Variants in SFPQ observed in about 807,000 individuals in gnomAD.
SFPQ encodes the protein splicing factor, proline- and glutamine-rich.
Under a neutral mutation model 72.9 loss-of-function variants are expected in SFPQ, and 11 were observed. The ratio of observed to expected loss-of-function variants is 0.15; its 90% confidence interval spans 0.09 to 0.25. The LOEUF is 0.25. Ranked by LOEUF, SFPQ falls within the 10% of genes least tolerant of loss-of-function variation. The pLI, the probability that SFPQ is intolerant of heterozygous loss-of-function variation, is 1.00. For missense variants in SFPQ, 847 were observed against 993.3 expected, an observed-to-expected ratio of 0.85 and a Z score of 1.98; for synonymous variants, 506 against 367.3, an observed-to-expected ratio of 1.38 and a Z score of -4.32.
chr1:35,181,686 T>C (rs1217695870), downstream of SFPQ: 3 of 1,060,822 alleles, frequency 2.8e-6, no homozygotes, highest in Non-Finnish European at 2.3e-6. Context: ...GAAGAGGAAA[T>C]GGGGACAAGT....
At position 35,187,248 on chromosome 1, in the gene SFPQ, C is replaced by G. The variant is rs1283089639; in HGVS notation, c.1819G>C (p.Glu607Gln). The G allele has an allele frequency of 2.5e-6, 4 of 1,614,048 alleles. No homozygotes were observed. Among genetic ancestry groups the G allele is most frequent in the African/African-American group, 1.3e-5 (1 of 74,918 alleles). The stretch of plus-strand genomic sequence containing the variant: ...CCGCCACCCATTCGCATGTCTCTTT[C>G]CCGCTGCAAGAAAAAAATTCCTTTC... Reference protein sequence around the residue: ...YSRMGYMDPRERDMRMGGGGA... With the variant: ...YSRMGYMDPRQRDMRMGGGGA... Residue 607 changes from glutamate to glutamine, a missense_variant, in exon 8 of 10, where the codon GAA becomes CAA. This residue lies in a region of SFPQ where 154 missense variants were observed against 186.0 expected (regional missense o/e 0.83). Transcript: ENST00000357214.
At position 35,193,139 on chromosome 1, in the gene SFPQ, C is replaced by T. The variant is rs912013732; in HGVS notation, c.-90G>A. 24 of 1,474,544 alleles carry T rather than the reference C, an allele frequency of 1.6e-5. No homozygotes were observed. Among genetic ancestry groups the T allele is most frequent in the Middle Eastern group, 1.8e-4 (1 of 5,456 alleles). The allele number at this position is 1,474,544 out of a possible 1,614,324, so 91.3% of individuals were successfully genotyped here. On this transcript the variant is annotated 5_prime_UTR_variant, in exon 1 of 10. Coordinates refer to ENST00000357214, the MANE Select transcript of SFPQ (RefSeq NM_005066.3). ...TTGCTTCTCACAAAATGGCGGATGA[C>T]ACAGGCGGCGCGCCGCCTTTGTCCT...
downstream of SFPQ, chr1:35,179,503 G>GCAAA (rs1639380629): frequency 1.9e-6 from 2 of 1,055,046 alleles, no homozygotes; most frequent in African/African-American, 1.7e-5. Flanking sequence ...ACAAAATTAT[G>GCAAA]AAATACAATG....
chr1:35,189,241 C>T lies in SFPQ; in HGVS notation c.1557G>A (p.Leu519=). The T allele has an allele frequency of 2.5e-6, 4 of 1,613,866 alleles. No individual in the cohort carries two copies. The highest frequency in any genetic ancestry group is 2.2e-5 in the East Asian group (1 of 44,880). The change falls in exon 5 of 10, where the codon TTG becomes TTA. Residue 519 remains leucine, a synonymous_variant. Coordinates refer to ENST00000357214, the MANE Select transcript of SFPQ (RefSeq NM_005066.3). ...GATAGGCATCTTCCATTTCACTTTC[C>T]AATTTGTCTTTTGCATCTTTCATGT... ...EKNMKDAKDK[L]ESEMEDAYHE... is the part of the protein sequence containing the mutation.
chr1:35,182,416 T>C (rs1639507224), downstream of SFPQ: 1 of 985,392 alleles, frequency 1.0e-6, no homozygotes, highest in Non-Finnish European at 1.2e-6. Context: ...TGCTGGTGAA[T>C]GATATAATGA....
intron 1 of SFPQ, 95 bp from the exon 2 acceptor site, chr1:35,191,624 C>T: frequency 1.1e-6 from 1 of 900,754 alleles, no homozygotes. Context: ...TATCAGTTGC[C>T]TTTCTGTTCC....
rs759815470 is a variant in SFPQ, at chr1:35,192,204, G to A, written c.828+18C>T. 8 of 1,386,576 alleles carry A rather than the reference G, an allele frequency of 5.8e-6. No individual in the cohort carries two copies. The highest frequency in any genetic ancestry group is 3.2e-5 in the South Asian group (2 of 63,302). 85.9% of individuals were successfully genotyped at this position (1,386,576 alleles called of 1,614,324 possible). A position where few individuals can be genotyped will look rare whatever the true frequency, so the allele number is the denominator to read the frequency against. ...GCCATCTTAGGGGAGCCGACGCGTC[G>A]CTCCCATAGACACTCACCTCCGAGT... On this transcript the variant is annotated intron_variant, in intron 1 of 9. Transcript: ENST00000357214.
rs1287993718 is a variant in SFPQ at position 35,193,117 on chromosome 1, C to T, written c.-68G>A. The T allele has an allele frequency of 4.7e-6, 7 of 1,488,074 alleles. No homozygotes were observed. Among genetic ancestry groups the T allele is most frequent in the Admixed American group, 2.3e-5 (1 of 43,344 alleles). The allele number at this position is 1,488,074 out of a possible 1,614,324, so 92.2% of individuals were successfully genotyped here. On this transcript the variant is annotated 5_prime_UTR_variant, in exon 1 of 10. Coordinates refer to ENST00000357214, the MANE Select transcript of SFPQ (RefSeq NM_005066.3). ...CTCAGGAAACGTGGAGGCCACCTTGCTTCTCACAAAATGGCGGATGACACA... is the reference window on the plus strand; with the variant it reads ...CTCAGGAAACGTGGAGGCCACCTTGTTTCTCACAAAATGGCGGATGACACA...
chr1:35,191,822 T>C (rs1385068254), intron 1 of SFPQ, among the ~76,000 whole-genome samples: 3 of 152,070 alleles, frequency 2.0e-5, no homozygotes, highest in African/African-American at 7.2e-5. Flanking sequence ...GTATGAAAAT[T>C]AAAATAGGAA....
At chr1:35,179,099 T>C, downstream of SFPQ, 2 of 1,057,292 alleles carry the variant, frequency 1.9e-6, no homozygotes, top group Non-Finnish European at 1.1e-6. Context: ...CTGACATCAC[T>C]AAAACATTAT....
chr1:35,187,468 C>T (rs924884060), intron 7 of SFPQ, among the ~76,000 whole-genome samples: 3 of 152,208 alleles, frequency 2.0e-5, no homozygotes, highest in South Asian at 2.1e-4. Flanking sequence ...CAGTGGCTCA[C>T]GCCTGTAATC....
At chr1:35,179,683 T>C, downstream of SFPQ, 6 of 1,056,590 alleles carry the variant, frequency 5.7e-6, no homozygotes, top group Non-Finnish European at 6.9e-6. Flanking sequence ...AAAAGCCTAA[T>C]CATCTGAAAG....
Position 35,193,102 on chromosome 1 carries a change from G to C in SFPQ, c.-53C>G. 2 of 1,500,280 alleles carry C rather than the reference G, an allele frequency of 1.3e-6. No homozygotes were observed. Among genetic ancestry groups the C allele is most frequent in the South Asian group, 1.3e-5 (1 of 79,588 alleles). 92.9% of individuals were successfully genotyped at this position (1,500,280 alleles called of 1,614,324 possible). ...AAAGCGAAGAAGACGCTCAGGAAAC[G>C]TGGAGGCCACCTTGCTTCTCACAAA... On this transcript the variant is annotated 5_prime_UTR_variant, in exon 1 of 10. Coordinates refer to ENST00000357214, the MANE Select transcript of SFPQ (RefSeq NM_005066.3).
At position 35,187,069 on chromosome 1, in the gene SFPQ, T is replaced by G. The variant is rs1283676090; in HGVS notation, c.1918A>C (p.Ile640Leu). The part of the protein sequence containing the change: ...KFPPLGGGGG[I>L]GYEANPGVPP... ...ACGCCAGGATTAGCTTCATAACCTA[T>G]GCCACCACCACCTCCTAGAGGTGGA... Residue 640 changes from isoleucine (I) to leucine (L), a missense_variant, in exon 9 of 10, where the codon ATA becomes CTA. Physicochemically the swap from Ile to Leu is conservative, Grantham distance 5. Transcript: ENST00000357214. 1.9e-6 allele frequency: 3 copies of G among 1,614,096 alleles called. No individual in the cohort carries two copies. In the South Asian group the frequency reaches 3.3e-5, roughly 18 times the overall value.
Position 35,183,584 on chromosome 1 carries a change from G to C in SFPQ, c.*872C>G, listed in dbSNP as rs571698294. 17 of 1,021,612 alleles carry C rather than the reference G, an allele frequency of 1.7e-5. No individual in the cohort carries two copies. The African/African-American group carries it at 2.9e-4, about 17-fold the overall frequency. The allele number at this position is 1,021,612 out of a possible 1,614,324, so 63.3% of individuals were successfully genotyped here. Reference sequence around the variant, plus strand: ...TACACCCCATCTTTATAAATCACTTGAATACATGAAAAGACTTCATGTTTA... The same window carrying C: ...TACACCCCATCTTTATAAATCACTTCAATACATGAAAAGACTTCATGTTTA... On this transcript the variant is annotated 3_prime_UTR_variant, in exon 10 of 10. Coordinates refer to ENST00000357214, the MANE Select transcript of SFPQ (RefSeq NM_005066.3).
rs1438600905 is a variant in SFPQ, at chr1:35,183,651, A to G, written c.*805T>C. ...TGTAAAAGTTCAATACAAGCCATTT[A>G]TAGGGCTTGAGATTTGTTGGTCTTT... is the stretch of plus-strand genomic sequence containing the variant. On this transcript the variant is annotated 3_prime_UTR_variant, in exon 10 of 10. Coordinates refer to ENST00000357214, the MANE Select transcript of SFPQ (RefSeq NM_005066.3). 1 of 1,037,736 alleles carries G rather than the reference A, an allele frequency of 9.6e-7. No individual in the cohort carries two copies. The allele number at this position is 1,037,736 out of a possible 1,614,324, so 64.3% of individuals were successfully genotyped here. A position where few individuals can be genotyped will look rare whatever the true frequency, so the allele number is the denominator to read the frequency against.
chr1:35,192,772 G>A lies in SFPQ; in HGVS notation c.278C>T (p.Pro93Leu). ...TGGCGGCGGCTGCTGCTGCTGATGC[G>A]GCTGTGGATGCGGCGGCGGCTGATG... ...PPHQPPPHPQ[P>L]HQQQQPPPPP... Residue 93 changes from proline to leucine, a missense_variant, in exon 1 of 10, where the codon CCG becomes CTG. Pro to Leu is a moderately conservative substitution (Grantham distance 98). This residue lies in a region of SFPQ where 498 missense variants were observed against 405.1 expected (regional missense o/e 1.23). Coordinates refer to ENST00000357214, the MANE Select transcript of SFPQ (RefSeq NM_005066.3). 1 of 1,500,580 alleles carries A rather than the reference G, an allele frequency of 6.7e-7. No individual in the cohort carries two copies. The highest frequency in any genetic ancestry group is 8.8e-7 in the Non-Finnish European group (1 of 1,130,520). 93.0% of individuals were successfully genotyped at this position (1,500,580 alleles called of 1,614,324 possible).
At chr1:35,182,298 C>G, downstream of SFPQ, 27 of 985,286 alleles carry the variant, frequency 2.7e-5, no homozygotes, top group Non-Finnish European at 3.1e-5. Context: ...AATCAAGACC[C>G]TTGTTTCCGT....
chr1:35,178,884 C>CAA (rs200118997), downstream of SFPQ: 474 of 963,098 alleles, frequency 4.9e-4, no homozygotes, highest in Admixed American at 1.2e-3. Flanking sequence ...TTTTCACTCT[C>CAA]AAAAAAAAAA....
Sources: allele counts gnomAD v4.1 joint callset (sites outside exome capture counted in the v4.1 genomes callset), GRCh38; gene constraint gnomAD v4.1.1; regional missense constraint gnomAD v4.1.1; transcripts MANE v1.5; gene names NCBI Gene and HGNC (gene_info 2026-07-23, HGNC 2026-07-21).